Variants in ARSH observed in about 807,000 individuals in gnomAD.
ARSH encodes the protein arylsulfatase H.
Under a neutral mutation model 28.7 loss-of-function variants are expected in ARSH, and 32 were observed. The ratio of observed to expected loss-of-function variants is 1.11; its 90% CI spans 0.84 to 1.50. The LOEUF is 1.50. Ranked by LOEUF, ARSH falls within the 40% of genes most tolerant of loss-of-function variation. ARSH has a pLI of 0.00. For missense variants in ARSH, 440 were observed against 452.4 expected, an observed-to-expected ratio of 0.97 and a Z score of 0.25; for synonymous variants, 176 against 177.3, an observed-to-expected ratio of 0.99 and a Z score of 0.06.
intron 8 of ARSH, among the ~76,000 whole-genome samples, chrX:3,030,764 G>A (rs1201562072): frequency 9.0e-6 from 1 of 111,405 alleles, no homozygotes; most frequent in East Asian, 2.8e-4. Context: ...TGAGATTAGG[G>A]TGGGGACAGA....
At chrX:3,008,254 T>A (rs1301440540) in intron 1 of ARSH, among the ~76,000 whole-genome samples, 2 of 112,138 alleles carry the variant, frequency 1.8e-5, no homozygotes, top group African/African-American at 6.5e-5. Context: ...GAATTACTTC[T>A]AAAGTCTCTG....
At chrX:3,026,948 C>T (rs977240437) in intron 6 of ARSH, among the ~76,000 whole-genome samples, 4 of 111,085 alleles carry the variant, frequency 3.6e-5, no homozygotes, top group Non-Finnish European at 7.5e-5. Context: ...ACTTCCTCGT[C>T]TCTGATCCCC....
chrX:3,017,706 A>T, intron 4 of ARSH, among the ~76,000 whole-genome samples: 1 of 111,722 alleles, frequency 9.0e-6, no homozygotes, highest in Admixed American at 9.6e-5. Context: ...CCCAAGGTAG[A>T]TGCCAAAGCT....
At chrX:3,006,785 G>A (rs914057488) in intron 1 of ARSH, 81 bp downstream of exon 1, 6 of 843,949 alleles carry the variant, frequency 7.1e-6, no homozygotes, top group Non-Finnish European at 1.0e-5. Context: ...TTGCAGAGAA[G>A]GGTTTCTGGA....
chrX:3,032,847 G>A (rs756289439), intron 8 of ARSH, among the ~76,000 whole-genome samples, 171 bp from the exon 9 acceptor site: 1 of 112,189 alleles, frequency 8.9e-6, no homozygotes, highest in African/African-American at 3.2e-5. Context: ...AGTTTGCAGT[G>A]AAATTGTGCA....
rs1384653926 is a variant in ARSH, at chrX:3,033,573, GA to G, written c.*189del. The G allele has an allele frequency of 1.5e-5, 6 of 398,812 alleles. No individual in the cohort carries two copies. Among genetic ancestry groups the G allele is most frequent in the Non-Finnish European group, 2.0e-5 (5 of 245,580 alleles). The allele number at this position is 398,812 out of a possible 1,213,427, so 32.9% of individuals were successfully genotyped here. A position where few individuals can be genotyped will look rare whatever the true frequency, so the allele number is the denominator to read the frequency against. On this transcript the variant is annotated 3_prime_UTR_variant, in exon 9 of 9. Coordinates refer to ENST00000381130, the MANE Select transcript of ARSH (RefSeq NM_001011719.2). The stretch of plus-strand genomic sequence containing the variant: ...GTGGGCCCATATAACAGTGAACCTG[GA>G]GGGGAGCATTTGTTGTATAATTTTT...
chrX:3,030,633 A>G (rs1339550045), intron 8 of ARSH, among the ~76,000 whole-genome samples: 2 of 111,597 alleles, frequency 1.8e-5, no homozygotes, highest in African/African-American at 6.5e-5. Flanking sequence ...GCCTTATAAA[A>G]CCATCAGATC....
chrX:3,006,751 A>G, intron 1 of ARSH, 47 bp downstream of exon 1: 3 of 1,033,730 alleles, frequency 2.9e-6, no homozygotes, highest in Non-Finnish European at 2.7e-6. Flanking sequence ...AGTCTCCCTT[A>G]CCACAGTGTT....
At chrX:3,013,243 C>T in intron 3 of ARSH, 71 bp downstream of exon 3, 1 of 1,121,027 alleles carries the variant, frequency 8.9e-7, no homozygotes, top group Non-Finnish European at 1.2e-6. Flanking sequence ...TAAGGTGTTT[C>T]CGGGGATGTT....
At chrX:3,023,118 C>A in intron 5 of ARSH, among the ~76,000 whole-genome samples, 1 of 99,858 alleles carries the variant, frequency 1.0e-5, no homozygotes, top group Non-Finnish European at 2.0e-5. Flanking sequence ...ATGAACTATT[C>A]TACATTTTAA....
At chrX:3,019,042 A>T (rs1253001736) in intron 5 of ARSH, among the ~76,000 whole-genome samples, 1 of 111,417 alleles carries the variant, frequency 9.0e-6, no homozygotes. Flanking sequence ...AGGCTGGCAG[A>T]TCACTTGAGG....
intron 2 of ARSH, among the ~76,000 whole-genome samples, chrX:3,012,582 T>TATATATATAAA (rs1555914107): frequency 1.6e-4 from 3 of 18,962 alleles, no homozygotes; most frequent in Non-Finnish European, 2.6e-4. Context: ...TATATATATA[T>TATATATATAAA]ATATATATAT....
intron 2 of ARSH, 113 bp from the exon 3 acceptor site, chrX:3,012,934 T>C: frequency 1.1e-6 from 1 of 945,411 alleles, no homozygotes; most frequent in South Asian, 2.6e-5. Flanking sequence ...AACAGAAAAC[T>C]TGGGGAAGAA....
At chrX:3,028,002 C>G (rs762415033) in intron 7 of ARSH, among the ~76,000 whole-genome samples, 7 of 110,078 alleles carry the variant, frequency 6.4e-5, no homozygotes, top group Non-Finnish European at 1.3e-4. Flanking sequence ...ACCTGGGAGG[C>G]TGAGGTGGGA....
At chrX:3,030,826 CT>C (rs2089911902) in intron 8 of ARSH, among the ~76,000 whole-genome samples, 2 of 110,959 alleles carry the variant, frequency 1.8e-5, no homozygotes, top group African/African-American at 6.6e-5. Flanking sequence ...GAGGAGCAGT[CT>C]TTCCCCAAGT....
At chrX:3,027,288 G>A in intron 6 of ARSH, 25 bp from the exon 7 acceptor site, 1 of 1,207,916 alleles carries the variant, frequency 8.3e-7, no homozygotes, top group South Asian at 1.8e-5. Context: ...CTCATCTTTG[G>A]TTGTGTCGTA....
intron 3 of ARSH, among the ~76,000 whole-genome samples, chrX:3,014,263 T>G (rs748282670): frequency 1.8e-5 from 2 of 111,317 alleles, no homozygotes; most frequent in Non-Finnish European, 3.8e-5. Flanking sequence ...CAAGACTCTG[T>G]CTCTTAAAAA....
rs145081038 is a variant in ARSH at position 3,013,416 on chromosome X, G to A, written c.340+244G>A. The stretch of plus-strand genomic sequence containing the variant: ...TGTATCCAAAGTTGCCACTAAAATG[G>A]AATGTTGTGTTGGAGGGATACGATG... On this transcript the variant is annotated intron_variant, in intron 3 of 8. Coordinates refer to ENST00000381130, the MANE Select transcript of ARSH (RefSeq NM_001011719.2). 2.4e-3 allele frequency among the ~76,000 whole-genome samples: 272 copies of A among 111,387 alleles called. 1 individual carries two copies. The highest frequency in any genetic ancestry group is 8.6e-3 in the African/African-American group (264 of 30,739).
chrX:3,023,531 T>G (rs1261774544), intron 5 of ARSH, among the ~76,000 whole-genome samples: 4 of 107,028 alleles, frequency 3.7e-5, no homozygotes, highest in Non-Finnish European at 7.7e-5. Flanking sequence ...TCTAGTATTG[T>G]AAAGTCATAT....
Sources: gnomAD v4.1 joint callset for allele counts (sites outside exome capture counted in the v4.1 genomes callset) on GRCh38, gnomAD v4.1.1 for gene constraint, MANE v1.5 for transcripts, NCBI Gene and HGNC (gene_info 2026-07-23, HGNC 2026-07-21) for gene names.